The following TIMP1 variants were observed in gnomAD, a reference collection of about 807,000 sequenced individuals.
The protein encoded by TIMP1 is TIMP metallopeptidase inhibitor 1.
Under a neutral mutation model 13.7 loss-of-function variants are expected in TIMP1, and 5 were observed. That is an observed-to-expected ratio of 0.36 (90% CI 0.19 to 0.76). The LOEUF (loss-of-function observed/expected upper bound fraction) is 0.76, where lower values mean the gene tolerates loss of function less well. Among genes scored for constraint, TIMP1 ranks in the 30% least tolerant of loss-of-function variants. The pLI is 0.51. For synonymous variants in TIMP1, 63 were observed against 67.1 expected (o/e 0.94, Z 0.30); for missense variants, 131 against 168.4 (o/e 0.78, Z 1.23).
rs757549494 is a variant in TIMP1 at position 47,583,395 on chromosome X, C to T, written c.-8-13C>T. The T allele has an allele frequency of 1.2e-5, 14 of 1,186,210 alleles. No individual in the cohort carries two copies. The Admixed American group carries it at 3.0e-4, about 25-fold the overall frequency. ...CTGGGCCGGGGCCTGCCTGACATCC[C>T]CCTTCCCCACAGAACCCACCATGGC... On this transcript the variant is annotated splice_polypyrimidine_tract_variant and intron_variant, in intron 1 of 5. Coordinates refer to ENST00000218388, the MANE Select transcript of TIMP1 (RefSeq NM_003254.3).
intron 1 of TIMP1, 148 bp downstream of exon 1, chrX:47,582,622 G>T: frequency 2.8e-6 from 1 of 352,971 alleles, no homozygotes; most frequent in Non-Finnish European, 5.7e-6. Context: ...CTAGGGGGAA[G>T]AGGGTCGGAG....
Position 47,583,449 on chromosome X carries a change from C to T in TIMP1, c.34C>T (p.Leu12=). Reference sequence around the variant, plus strand: ...CTTTGAGCCCCTGGCTTCTGGCATCCTGTTGTTGCTGTGGCTGATAGCCCC... The same window carrying T: ...CTTTGAGCCCCTGGCTTCTGGCATCTTGTTGTTGCTGTGGCTGATAGCCCC... ...APFEPLASGI[L]LLLWLIAPSR... is the part of the protein sequence containing the mutation. Residue 12 remains leucine (L), a synonymous_variant, in exon 2 of 6, where the codon CTG becomes TTG. Transcript: ENST00000218388. 1 of 1,208,078 alleles carries T rather than the reference C, an allele frequency of 8.3e-7. No individual in the cohort carries two copies. The highest frequency in any genetic ancestry group is 1.1e-6 in the Non-Finnish European group (1 of 893,829).
intron 1 of TIMP1, among the ~76,000 whole-genome samples, chrX:47,582,777 C>T (rs1335016279): frequency 1.0e-5 from 1 of 95,544 alleles, no homozygotes; most frequent in African/African-American, 3.9e-5. Flanking sequence ...AAATTTCCCT[C>T]ATCGCCCCCT....
At chrX:47,584,851 C>T (rs2057815934) in intron 2 of TIMP1, 85 bp from the exon 3 acceptor site, 2 of 839,201 alleles carry the variant, frequency 2.4e-6, no homozygotes, top group African/African-American at 2.0e-5. Context: ...ATGCGCTTTG[C>T]TGGTATGATG....
chrX:47,586,670 C>T lies in TIMP1; in HGVS notation c.603C>T (p.Ser201=), dbSNP rs1195043076. Residue 201 remains serine, a synonymous_variant, in exon 6 of 6, where the codon TCC becomes TCT. Transcript: ENST00000218388. ...PREPGLCTWQ[S]LRSQIA ...AGCCAGGGCTGTGCACCTGGCAGTC[C>T]CTGCGGTCCCAGATAGCCTGAATCC... 8.3e-7 allele frequency: 1 copy of T among 1,208,763 alleles called. No individual in the cohort carries two copies. The highest frequency in any genetic ancestry group is 1.1e-6 in the Non-Finnish European group (1 of 895,392).
In TIMP1 at chrX:47,584,984, T is replaced by G; in HGVS notation, c.170T>G (p.Leu57Ter). The change falls in exon 3 of 6, where the codon TTA becomes TGA. Residue 57 changes from leucine to a stop codon, truncating the protein, a stop_gained. Transcript: ENST00000218388. LOFTEE classifies it high-confidence loss of function. ...VGTPEVNQTT[L>*]YQRYEIKMTK... is the part of the protein sequence containing the mutation. ...ACACCAGAAGTCAACCAGACCACCT[T>G]ATACCAGCGTTATGAGATCAAGATG... is the stretch of plus-strand genomic sequence containing the variant. 2 of 1,211,273 alleles carry G rather than the reference T, an allele frequency of 1.7e-6. No homozygotes were observed. Among genetic ancestry groups the G allele is most frequent in the Non-Finnish European group, 2.2e-6 (2 of 895,394 alleles).
rs368022126 is a variant in TIMP1 at position 47,586,701 on chromosome X, G to A, written c.*10G>A. Reference sequence around the variant, plus strand: ...GTCCCAGATAGCCTGAATCCTGCCCGGAGTGGAAGCTGAAGCCTGCACAGT... The same window carrying A: ...GTCCCAGATAGCCTGAATCCTGCCCAGAGTGGAAGCTGAAGCCTGCACAGT... On this transcript the variant is annotated 3_prime_UTR_variant, in exon 6 of 6. Coordinates refer to ENST00000218388, the MANE Select transcript of TIMP1 (RefSeq NM_003254.3). The A allele has an allele frequency of 1.2e-4, 145 of 1,204,112 alleles. No individual in the cohort carries two copies. The Middle Eastern group carries it at 1.5e-3, about 12-fold the overall frequency.
chrX:47,586,095 C>T, intron 5 of TIMP1: 2 of 945,113 alleles, frequency 2.1e-6, no homozygotes, highest in East Asian at 6.4e-5. Context: ...GGGTGTTACA[C>T]TGACCTCCTG....
chrX:47,585,628 C>T lies in TIMP1; in HGVS notation c.414C>T (p.Gly138=). Residue 138 remains glycine, a synonymous_variant, in exon 5 of 6, where the codon GGC becomes GGT. Transcript: ENST00000218388. ...WNSLSLAQRR[G]FTKTYTVGCE... The stretch of plus-strand genomic sequence containing the variant: ...GCCTGAGCTTAGCTCAGCGCCGGGG[C>T]TTCACCAAGACCTACACTGTTGGCT... 4 of 1,116,926 alleles carry T rather than the reference C, an allele frequency of 3.6e-6. No individual in the cohort carries two copies. The highest frequency in any genetic ancestry group is 4.7e-6 in the Non-Finnish European group (4 of 844,434). 92.0% of individuals were successfully genotyped at this position (1,116,926 alleles called of 1,213,427 possible).
At chrX:47,585,458 C>T in intron 4 of TIMP1, 85 bp from the exon 5 acceptor site, 3 of 1,192,067 alleles carry the variant, frequency 2.5e-6, no homozygotes, top group Non-Finnish European at 3.4e-6. Flanking sequence ...CAATTTCAGT[C>T]TATCAGAAGG....
At chrX:47,583,637 C>T (rs888386870) in intron 2 of TIMP1, 101 bp downstream of exon 2, 1 of 941,108 alleles carries the variant, frequency 1.1e-6, no homozygotes, top group Non-Finnish European at 1.4e-6. Context: ...TTCCACTCGC[C>T]CCTGCACTTC....
At position 47,585,573 on chromosome X, in the gene TIMP1, C is replaced by T; in HGVS notation, c.359C>T (p.Thr120Ile). Residue 120 changes from threonine (T) to isoleucine (I), a missense_variant, in exon 5 of 6, where the codon ACT (threonine) becomes ATT (isoleucine). Physicochemically the swap from Thr to Ile is moderately conservative, Grantham distance 89. Coordinates refer to ENST00000218388, the MANE Select transcript of TIMP1 (RefSeq NM_003254.3). The part of the protein sequence containing the change: ...GKLQDGLLHI[T>I]TCSFVAPWNS... ...CTGCAGGATGGACTCTTGCACATCA[C>T]TACCTGCAGTTTTGTGGCTCCCTGG... is the stretch of plus-strand genomic sequence containing the variant. 1 of 1,200,240 alleles carries T rather than the reference C, an allele frequency of 8.3e-7. No individual in the cohort carries two copies. The highest frequency in any genetic ancestry group is 3.0e-5 in the East Asian group (1 of 33,712).
intron 1 of TIMP1, among the ~76,000 whole-genome samples, chrX:47,582,855 T>C (rs1272427983): frequency 1.7e-5 from 1 of 57,341 alleles, no homozygotes; most frequent in African/African-American, 7.3e-5. Context: ...GTTCCCCAGC[T>C]CCCAAACTTC....
chrX:47,583,659 C>A, intron 2 of TIMP1, 123 bp downstream of exon 2: 2 of 813,292 alleles, frequency 2.5e-6, no homozygotes, highest in Non-Finnish European at 3.3e-6. Context: ...TCTGCTTTAG[C>A]CACACTGGCA....
At position 47,585,342 on chromosome X, in the gene TIMP1, G is replaced by C. The variant is rs745627114; in HGVS notation, c.328+11G>C. Reference sequence around the variant, plus strand: ...AGTTTCTCATTGCTGGTGAGGCACCGTCCCCGCGCCCTGTGCCACACCAAC... The same window carrying C: ...AGTTTCTCATTGCTGGTGAGGCACCCTCCCCGCGCCCTGTGCCACACCAAC... On this transcript the variant is annotated intron_variant, in intron 4 of 5. Transcript: ENST00000218388. 1 of 1,211,185 alleles carries C rather than the reference G, an allele frequency of 8.3e-7. No individual in the cohort carries two copies. Among genetic ancestry groups the C allele is most frequent in the African/African-American group, 1.7e-5 (1 of 57,765 alleles).
At chrX:47,582,860 A>G (rs1394900624) in intron 1 of TIMP1, among the ~76,000 whole-genome samples, 1 of 81,837 alleles carries the variant, frequency 1.2e-5, no homozygotes, top group African/African-American at 4.9e-5. Flanking sequence ...CCAGCTCCCA[A>G]ACTTCTTTTG....
Position 47,585,568 on chromosome X carries a change from C to T in TIMP1, c.354C>T (p.His118=), listed in dbSNP as rs1459720642. The T allele has an allele frequency of 7.5e-6, 9 of 1,200,126 alleles. No homozygotes were observed. The highest frequency in any genetic ancestry group is 1.0e-5 in the Non-Finnish European group (9 of 889,131). The change falls in exon 5 of 6, where the codon CAC becomes CAT. Residue 118 remains histidine (H), a synonymous_variant. Transcript: ENST00000218388. The stretch of plus-strand genomic sequence containing the variant: ...GAAAACTGCAGGATGGACTCTTGCA[C>T]ATCACTACCTGCAGTTTTGTGGCTC... ...IAGKLQDGLL[H]ITTCSFVAPW... is the part of the protein sequence containing the mutation.
Position 47,585,287 on chromosome X carries a change from A to G in TIMP1, c.284A>G (p.Tyr95Cys). 8.3e-7 allele frequency: 1 copy of G among 1,211,453 alleles called. No individual in the cohort carries two copies. The highest frequency in any genetic ancestry group is 1.1e-6 in the Non-Finnish European group (1 of 895,256). Residue 95 changes from tyrosine to cysteine, a missense_variant, in exon 4 of 6, where the codon TAC becomes TGC. Tyr to Cys is a radical substitution (Grantham distance 194). Coordinates refer to ENST00000218388, the MANE Select transcript of TIMP1 (RefSeq NM_003254.3). ...YTPAMESVCG[Y>C]FHRSHNRSEE... ...CCCGCCATGGAGAGTGTCTGCGGATACTTCCACAGGTCCCACAACCGCAGC... is the reference window on the plus strand; with the variant it reads ...CCCGCCATGGAGAGTGTCTGCGGATGCTTCCACAGGTCCCACAACCGCAGC...
At position 47,585,312 on chromosome X, in the gene TIMP1, CGAG is replaced by C; in HGVS notation, c.313_315del (p.Glu105del). ...ACTTCCACAGGTCCCACAACCGCAG[CGAG>C]GAGTTTCTCATTGCTGGTGAGGCAC... is the stretch of plus-strand genomic sequence containing the variant. On this transcript the variant is annotated inframe_deletion, in exon 4 of 6. Transcript: ENST00000218388. The C allele has an allele frequency of 8.3e-7, 1 of 1,211,739 alleles. No individual in the cohort carries two copies. The highest frequency in any genetic ancestry group is 1.1e-6 in the Non-Finnish European group (1 of 895,409).
Sources: gnomAD v4.1 joint callset for allele counts (sites outside exome capture counted in the v4.1 genomes callset) on GRCh38, gnomAD v4.1.1 for gene constraint, MANE v1.5 for transcripts, NCBI Gene and HGNC (gene_info 2026-07-23, HGNC 2026-07-21) for gene names.